The following ADAMTSL3 variants were observed in gnomAD, a reference collection of about 807,000 sequenced individuals.
The protein encoded by ADAMTSL3 is ADAMTS-like protein 3.
A neutral mutation model predicts 201.7 loss-of-function variants in ADAMTSL3; 128 were observed. That is an observed-to-expected ratio of 0.63 (90% confidence interval 0.55 to 0.73). ADAMTSL3 has a LOEUF of 0.73. Ranked by LOEUF, ADAMTSL3 falls within the 30% of genes least tolerant of loss-of-function variation. ADAMTSL3 has a pLI of 0.00. For missense variants in ADAMTSL3, 1,990 were observed against 2,119.6 expected, an observed-to-expected ratio of 0.94 and a Z score of 1.20; for synonymous variants, 738 against 748.4, an observed-to-expected ratio of 0.99 and a Z score of 0.23.
At chr15:83,858,419 C>T (rs2064786062) in intron 7 of ADAMTSL3, among the ~76,000 whole-genome samples, 1 of 152,176 alleles carries the variant, frequency 6.6e-6, no homozygotes, top group African/African-American at 2.4e-5. Flanking sequence ...GTTGCCCAGG[C>T]TGGAGTCCAG....
chr15:83,704,400 G>A lies in ADAMTSL3; in HGVS notation c.81G>A (p.Glu27=), dbSNP rs936466736. The A allele has an allele frequency of 6.2e-7, 1 of 1,614,220 alleles. No homozygotes were observed. Among genetic ancestry groups the A allele is most frequent in the Middle Eastern group, 1.6e-4 (1 of 6,062 alleles). Residue 27 remains glutamate (E), a synonymous_variant, in exon 3 of 30, where the codon GAG becomes GAA. Transcript: ENST00000286744. ...MHSPLPQTTA[E]KSPGAYFLPE... is the part of the protein sequence containing the mutation. ...ATCTTGTTTTTCAGACCACAGCTGA[G>A]AAATCTCCTGGAGCCTATTTCCTTC...
chr15:83,763,196 T>A (rs548446154), intron 3 of ADAMTSL3, among the ~76,000 whole-genome samples: 1 of 152,304 alleles, frequency 6.6e-6, no homozygotes, highest in Admixed American at 6.5e-5. Context: ...TGGACTTGAT[T>A]TACTTTCAAG....
In ADAMTSL3 at chr15:83,864,568, T is replaced by A. The variant is rs1259635244; in HGVS notation, c.802+5728T>A. ...GCCTTTGACAAAATTCAACAACGCT[T>A]CATGCTAAAAACTCTCAATAAATTA... On this transcript the variant is annotated intron_variant, in intron 8 of 29. Transcript: ENST00000286744. Among the ~76,000 whole-genome samples, 3 of 152,294 alleles carry A rather than the reference T, an allele frequency of 2.0e-5. No homozygotes were observed. The East Asian group carries it at 5.8e-4, about 29-fold the overall frequency.
At chr15:83,830,109 T>C (rs944927650) in intron 6 of ADAMTSL3, among the ~76,000 whole-genome samples, 3 of 152,248 alleles carry the variant, frequency 2.0e-5, no homozygotes, top group Non-Finnish European at 4.4e-5. Flanking sequence ...ATTAAGTAGA[T>C]AGATAGTGAG....
At chr15:83,773,371 G>A (rs1191291017) in intron 3 of ADAMTSL3, 152 bp from the exon 4 acceptor site, 17 of 818,422 alleles carry the variant, frequency 2.1e-5, no homozygotes, top group Non-Finnish European at 2.8e-5. Flanking sequence ...TTGTGCCATT[G>A]CACTCCTGGG....
At chr15:83,737,423 C>T (rs977241977) in intron 3 of ADAMTSL3, among the ~76,000 whole-genome samples, 4 of 152,162 alleles carry the variant, frequency 2.6e-5, no homozygotes, top group African/African-American at 9.7e-5. Flanking sequence ...GGTCTCATGA[C>T]AGTGAGTTCT....
chr15:83,876,343 A>C (rs1345016678), intron 9 of ADAMTSL3, among the ~76,000 whole-genome samples: 1 of 151,934 alleles, frequency 6.6e-6, no homozygotes, highest in Non-Finnish European at 1.5e-5. Context: ...ATTTCTATTT[A>C]TATAAATTTT....
At chr15:84,005,379 G>A (rs1352572522) in intron 23 of ADAMTSL3, among the ~76,000 whole-genome samples, 1 of 152,192 alleles carries the variant, frequency 6.6e-6, no homozygotes, top group Non-Finnish European at 1.5e-5. Context: ...CTCCCTTTGA[G>A]CTGCTGTTTA....
At chr15:83,666,994 T>G (rs138692347) in intron 2 of ADAMTSL3, among the ~76,000 whole-genome samples, 10 of 152,216 alleles carry the variant, frequency 6.6e-5, no homozygotes, top group Non-Finnish European at 1.5e-4. Flanking sequence ...AATTTTCCCA[T>G]TTTGTCATTT....
intron 19 of ADAMTSL3, among the ~76,000 whole-genome samples, chr15:83,969,673 T>C (rs1218396891): frequency 2.0e-5 from 3 of 152,198 alleles, no homozygotes; most frequent in Admixed American, 1.3e-4. Context: ...GTATCTAAAA[T>C]TGTCAAACTC....
chr15:84,022,226 C>T (rs918486805), intron 26 of ADAMTSL3, among the ~76,000 whole-genome samples: 7 of 151,988 alleles, frequency 4.6e-5, no homozygotes, highest in African/African-American at 9.7e-5. Flanking sequence ...AAGTCCAAGC[C>T]GTCATTTTTT....
intron 4 of ADAMTSL3, among the ~76,000 whole-genome samples, chr15:83,779,697 CAAAAAAA>C (rs199855902): frequency 2.8e-5 from 2 of 72,096 alleles, no homozygotes; most frequent in Non-Finnish European, 5.3e-5. Flanking sequence ...GACTCCATCT[CAAAAAAA>C]AAAAAAAAAA....
intron 6 of ADAMTSL3, among the ~76,000 whole-genome samples, chr15:83,826,634 A>G (rs970101827): frequency 4.7e-5 from 7 of 149,502 alleles, no homozygotes; most frequent in Admixed American, 3.3e-4. Context: ...TACATTAGGT[A>G]TATCTCCTAA....
At chr15:83,704,970 G>GTC (rs1234012007) in intron 3 of ADAMTSL3, among the ~76,000 whole-genome samples, 3 of 70,102 alleles carry the variant, frequency 4.3e-5, no homozygotes, top group Non-Finnish European at 7.2e-5. Flanking sequence ...CTGTGAGTGT[G>GTC]TGTGTGTGTG....
intron 23 of ADAMTSL3, among the ~76,000 whole-genome samples, chr15:83,994,570 G>GT (rs1323205524): frequency 3.5e-5 from 3 of 85,130 alleles, no homozygotes; most frequent in Non-Finnish European, 5.3e-5. Flanking sequence ...GTTTGTTTCT[G>GT]TTTTTTTGTT....
chr15:83,731,130 A>T (rs935881365), intron 3 of ADAMTSL3, among the ~76,000 whole-genome samples: 1 of 151,930 alleles, frequency 6.6e-6, no homozygotes, highest in African/African-American at 2.4e-5. Context: ...TCATTGGTTT[A>T]TGTGTTTGTT....
At chr15:83,890,052 T>C in intron 10 of ADAMTSL3, 57 bp from the exon 11 acceptor site, 1 of 1,559,748 alleles carries the variant, frequency 6.4e-7, no homozygotes, top group Non-Finnish European at 8.7e-7. Context: ...GTGATAACTC[T>C]GCCAAGTAAA....
intron 3 of ADAMTSL3, among the ~76,000 whole-genome samples, chr15:83,706,208 C>G (rs1237585829): frequency 6.6e-6 from 1 of 152,144 alleles, no homozygotes; most frequent in African/African-American, 2.4e-5. Flanking sequence ...AAATACCAAG[C>G]TATGCATTTT....
At chr15:83,728,354 T>G (rs1293454214) in intron 3 of ADAMTSL3, among the ~76,000 whole-genome samples, 3 of 151,946 alleles carry the variant, frequency 2.0e-5, no homozygotes, top group Non-Finnish European at 4.4e-5. Context: ...CCATTTACAT[T>G]CAATGTTATT....
Sources: allele counts gnomAD v4.1 joint callset (sites outside exome capture counted in the v4.1 genomes callset), GRCh38; gene constraint gnomAD v4.1.1; transcripts MANE v1.5; gene names NCBI Gene and HGNC (gene_info 2026-07-23, HGNC 2026-07-21).